The following ASIC2 variants were observed in gnomAD, a reference collection of about 807,000 sequenced individuals.
The protein encoded by ASIC2 is acid-sensing ion channel 2.
ASIC2 carries 25 observed loss-of-function variants against 57.3 expected under a neutral mutation model. That is an observed-to-expected ratio of 0.44 (90% CI 0.32 to 0.61). The LOEUF (loss-of-function observed/expected upper bound fraction) is 0.61, where lower values mean the gene tolerates loss of function less well. ASIC2 is among the 20% of genes least tolerant of loss of function. The probability of loss-of-function intolerance (pLI) is 0.06; values close to 1 mark genes in which losing one functional copy is unlikely to be tolerated. For synonymous variants in ASIC2, 319 were observed against 307.5 expected (o/e 1.04, Z -0.39); for missense variants, 641 against 738.1 (o/e 0.87, Z 1.52).
At chr17:33,588,558 G>A (rs887363338) in intron 1 of ASIC2, among the ~76,000 whole-genome samples, 5 of 152,172 alleles carry the variant, frequency 3.3e-5, no homozygotes, top group African/African-American at 1.2e-4. Context: ...AGTTTTCCTG[G>A]ATGCTGGGAG....
At chr17:33,566,395 A>C (rs368187184) in intron 1 of ASIC2, among the ~76,000 whole-genome samples, 13 of 152,296 alleles carry the variant, frequency 8.5e-5, no homozygotes, top group East Asian at 5.8e-4. Flanking sequence ...TGATTGAACC[A>C]GGCAGGAACA....
At chr17:33,359,287 G>T (rs1197885646) in intron 1 of ASIC2, among the ~76,000 whole-genome samples, 1 of 152,236 alleles carries the variant, frequency 6.6e-6, no homozygotes, top group Non-Finnish European at 1.5e-5. Flanking sequence ...ATGTAGGTAA[G>T]GTGCAAGAGG....
At chr17:33,893,208 A>G (rs1488574514) in intron 1 of ASIC2, among the ~76,000 whole-genome samples, 1 of 152,112 alleles carries the variant, frequency 6.6e-6, no homozygotes, top group Non-Finnish European at 1.5e-5. Context: ...TGGAAGGGAG[A>G]GCCTGAGGGA....
chr17:33,667,570 C>G (rs1907515878), intron 1 of ASIC2, among the ~76,000 whole-genome samples: 2 of 152,154 alleles, frequency 1.3e-5, no homozygotes, highest in Admixed American at 6.5e-5. Context: ...AACCAGACAG[C>G]TTGGATTTTG....
At chr17:33,754,649 A>G (rs1007909770) in intron 1 of ASIC2, among the ~76,000 whole-genome samples, 4 of 152,180 alleles carry the variant, frequency 2.6e-5, no homozygotes, top group Admixed American at 2.6e-4. Flanking sequence ...TGGGTTTAGT[A>G]TATGTGTTAA....
chr17:33,696,721 G>T (rs1908540346), intron 1 of ASIC2, among the ~76,000 whole-genome samples: 1 of 152,160 alleles, frequency 6.6e-6, no homozygotes, highest in African/African-American at 2.4e-5. Context: ...AAGCCAAACT[G>T]ATAACACACA....
chr17:33,821,927 T>C (rs1254657382), intron 1 of ASIC2, among the ~76,000 whole-genome samples: 2 of 152,182 alleles, frequency 1.3e-5, no homozygotes, highest in African/African-American at 4.8e-5. Context: ...TGAAATACTG[T>C]GGTAACAGTC....
At chr17:34,130,372 C>A (rs1911916085) in intron 1 of ASIC2, among the ~76,000 whole-genome samples, 1 of 152,148 alleles carries the variant, frequency 6.6e-6, no homozygotes, top group Non-Finnish European at 1.5e-5. Context: ...CGAGGAGATG[C>A]AACAGTTATG....
At chr17:34,047,120 G>A (rs995949397) in intron 1 of ASIC2, among the ~76,000 whole-genome samples, 1 of 152,198 alleles carries the variant, frequency 6.6e-6, no homozygotes, top group Admixed American at 6.5e-5. Context: ...TATTTAAAGT[G>A]AGGTCTGCAA....
intron 1 of ASIC2, among the ~76,000 whole-genome samples, chr17:33,192,112 A>G (rs555762884): frequency 6.6e-6 from 1 of 152,150 alleles, no homozygotes; most frequent in Non-Finnish European, 1.5e-5. Flanking sequence ...ATGGATTCAA[A>G]AGAGTGCTTG....
chr17:34,132,082 G>T (rs1911991474), intron 1 of ASIC2, among the ~76,000 whole-genome samples: 1 of 152,112 alleles, frequency 6.6e-6, no homozygotes, highest in Non-Finnish European at 1.5e-5. Flanking sequence ...CCTCTGCAGG[G>T]GACACAAGAA....
intron 1 of ASIC2, among the ~76,000 whole-genome samples, chr17:33,126,262 T>C (rs923674422): frequency 1.3e-5 from 2 of 152,236 alleles, no homozygotes; most frequent in African/African-American, 4.8e-5. Flanking sequence ...AGCCCAGTTC[T>C]ATGGGGCCTG....
intron 1 of ASIC2, among the ~76,000 whole-genome samples, chr17:33,274,161 A>G (rs1904616630): frequency 1.3e-5 from 2 of 152,194 alleles, no homozygotes; most frequent in East Asian, 1.9e-4. Flanking sequence ...CTGTTTTCTC[A>G]TCTATGAAAA....
chr17:33,672,424 G>T (rs1907666929), intron 1 of ASIC2, among the ~76,000 whole-genome samples: 2 of 139,434 alleles, frequency 1.4e-5, no homozygotes, highest in African/African-American at 2.8e-5. Context: ...TACACTCCTT[G>T]CTTAAAAAAA....
intron 1 of ASIC2, among the ~76,000 whole-genome samples, chr17:33,887,282 G>A (rs1914851604): frequency 2.0e-5 from 3 of 152,298 alleles, no homozygotes; most frequent in South Asian, 4.1e-4. Context: ...TGGACATGAT[G>A]AGGGTCTCTG....
At chr17:33,047,984 C>T (rs999814809) in intron 3 of ASIC2, among the ~76,000 whole-genome samples, 1 of 152,142 alleles carries the variant, frequency 6.6e-6, no homozygotes, top group African/African-American at 2.4e-5. Flanking sequence ...GCCCTTACCC[C>T]CAGTGTGACA....
chr17:33,583,666 T>C (rs533043177), intron 1 of ASIC2, among the ~76,000 whole-genome samples: 3 of 152,066 alleles, frequency 2.0e-5, no homozygotes, highest in Non-Finnish European at 2.9e-5. Context: ...ATAGAAACTA[T>C]AGAAGGAGAG....
At chr17:33,773,883 T>C (rs1029904154) in intron 1 of ASIC2, among the ~76,000 whole-genome samples, 5 of 151,516 alleles carry the variant, frequency 3.3e-5, no homozygotes, top group African/African-American at 1.2e-4. Context: ...CCAAGGCTGG[T>C]TTTCAACTCC....
chr17:33,611,649 C>T (rs1905414016), intron 1 of ASIC2, among the ~76,000 whole-genome samples: 1 of 152,208 alleles, frequency 6.6e-6, no homozygotes, highest in Admixed American at 6.5e-5. Context: ...GGGCAGTGGC[C>T]ATCTGGAGCA....
Sources: gnomAD v4.1 joint callset for allele counts (sites outside exome capture counted in the v4.1 genomes callset) on GRCh38, gnomAD v4.1.1 for gene constraint, MANE v1.5 for transcripts, NCBI Gene and HGNC (gene_info 2026-07-23, HGNC 2026-07-21) for gene names.